The following PRPF19 variants were observed in gnomAD, a reference collection of about 807,000 sequenced individuals.
PRPF19 encodes pre-mRNA processing factor 19.
Under a neutral mutation model 64.2 loss-of-function variants are expected in PRPF19, and 2 were observed. The observed-to-expected ratio is 0.03, with a 90% confidence interval of 0.01 to 0.10. PRPF19 has a LOEUF of 0.10. Ranked by LOEUF, PRPF19 falls within the 10% of genes least tolerant of loss-of-function variation. The pLI, the probability that PRPF19 is intolerant of heterozygous loss-of-function variation, is 1.00. For missense variants in PRPF19, 314 were observed against 650.0 expected (o/e 0.48, Z 5.62); for synonymous variants, 226 against 251.6 (o/e 0.90, Z 0.96).
At chr11:60,905,094 G>A (rs904186523) in intron 1 of PRPF19, among the ~76,000 whole-genome samples, 1 of 152,204 alleles carries the variant, frequency 6.6e-6, no homozygotes, top group Non-Finnish European at 1.5e-5. Context: ...ACATTTCTAT[G>A]TGCCAAGCAC....
chr11:60,902,734 C>G lies in PRPF19; in HGVS notation c.388+6G>C, dbSNP rs1381745210. 1 of 1,614,190 alleles carries G rather than the reference C, an allele frequency of 6.2e-7. No individual in the cohort carries two copies. The highest frequency in any genetic ancestry group is 2.2e-5 in the East Asian group (1 of 44,886). ...AGGGTGGGGGATGGCAGGGGAGAGG[C>G]TGCACCTTCTCGGGCAGCAGTGACT... On this transcript the variant is annotated splice_donor_region_variant and intron_variant, in intron 4 of 15. Transcript: ENST00000227524. This position sits in a 1 kb window ranked among gnomAD's most constrained non-coding sequence, Gnocchi z 5.0.
chr11:60,903,211 G>C (rs77533626), intron 3 of PRPF19, among the ~76,000 whole-genome samples: 1 of 152,080 alleles, frequency 6.6e-6, no homozygotes, highest in African/African-American at 2.4e-5. Context: ...GATCGCCCTC[G>C]TTGTGTCAGG....
chr11:60,902,419 G>C lies in PRPF19; in HGVS notation c.509C>G (p.Pro170Arg). Residue 170 changes from proline to arginine, a missense_variant, in exon 6 of 16, where the codon CCA becomes CGA. Around this residue, in one of 7 missense-constraint regions of PRPF19, gnomAD observed 175 missense variants for 342.9 expected, o/e 0.51. Coordinates refer to ENST00000227524, the MANE Select transcript of PRPF19 (RefSeq NM_014502.5). This position sits in a 1 kb window ranked among gnomAD's most constrained non-coding sequence, Gnocchi z 5.0. ...MDLGELVGMT[P>R]EIIQKLQDKA... Reference sequence around the variant, plus strand: ...AGGACTTACCTTCTGAATAATCTCTGGGGTCATTCCCACCAGCTCACCCAA... The same window carrying C: ...AGGACTTACCTTCTGAATAATCTCTCGGGTCATTCCCACCAGCTCACCCAA... 1.2e-6 allele frequency: 2 copies of C among 1,614,052 alleles called. No individual in the cohort carries two copies. The highest frequency in any genetic ancestry group is 1.7e-6 in the Non-Finnish European group (2 of 1,179,974).
Position 60,901,548 on chromosome 11 carries a change from A to G in PRPF19, c.526-8T>C, listed in dbSNP as rs768449187. The G allele has an allele frequency of 6.2e-7, 1 of 1,614,172 alleles. No homozygotes were observed. Among genetic ancestry groups the G allele is most frequent in the Admixed American group, 1.7e-5 (1 of 60,028 alleles). On this transcript the variant is annotated splice_region_variant and splice_polypyrimidine_tract_variant and intron_variant, in intron 6 of 15. Coordinates refer to ENST00000227524, the MANE Select transcript of PRPF19 (RefSeq NM_014502.5). ...AGTGGCTTTGTCTTGAAGCTGGGGA[A>G]GAACAGGCTCAATGTGAGACAAATC...
At chr11:60,905,395 G>A (rs1051676667) in intron 1 of PRPF19, 4 of 151,932 alleles carry the variant, frequency 2.6e-5, no homozygotes, top group African/African-American at 9.6e-5. Context: ...CAAAGTGAGG[G>A]ATTCCTTTTC....
intron 15 of PRPF19, among the ~76,000 whole-genome samples, chr11:60,895,730 A>G (rs1018681560): frequency 6.6e-6 from 1 of 152,168 alleles, no homozygotes; most frequent in Non-Finnish European, 1.5e-5. Context: ...AGTAACAGAC[A>G]TGGGACACTT....
intron 9 of PRPF19, 80 bp from the exon 10 acceptor site, chr11:60,900,771 T>A: frequency 8.8e-6 from 14 of 1,591,428 alleles, no homozygotes; most frequent in Middle Eastern, 1.7e-4. Flanking sequence ...TTTGTTCCCA[T>A]GCCCATGAAG....
chr11:60,894,420 ATC>A (rs1366608135), intron 15 of PRPF19, among the ~76,000 whole-genome samples: 1 of 152,218 alleles, frequency 6.6e-6, no homozygotes, highest in Non-Finnish European at 1.5e-5. Flanking sequence ...TTCTTTGGTC[ATC>A]CCTAAGAGCT....
intron 15 of PRPF19, 43 bp from the exon 16 acceptor site, chr11:60,891,306 C>G: frequency 6.9e-7 from 1 of 1,450,314 alleles, no homozygotes; most frequent in Non-Finnish European, 9.6e-7. Flanking sequence ...GGCTTTTCCT[C>G]CTTTAGTCTG....
At chr11:60,899,427 C>T in intron 10 of PRPF19, 123 bp from the exon 11 acceptor site, 3 of 1,066,960 alleles carry the variant, frequency 2.8e-6, no homozygotes, top group Non-Finnish European at 4.1e-6. Context: ...CAGCTCTGCC[C>T]TCCCTGGAAC....
At chr11:60,900,558 A>C in intron 10 of PRPF19, 24 bp downstream of exon 10, 1 of 1,503,136 alleles carries the variant, frequency 6.7e-7, no homozygotes. Flanking sequence ...AGAAGAACCA[A>C]GGGTGGCGAG....
chr11:60,900,997 C>G, intron 8 of PRPF19, 68 bp from the exon 9 acceptor site: 1 of 1,535,646 alleles, frequency 6.5e-7, no homozygotes, highest in Non-Finnish European at 9.0e-7. Flanking sequence ...CACAGACCTC[C>G]CCTACTGCCA....
chr11:60,900,950 A>C (rs1001021040), intron 8 of PRPF19, 21 bp from the exon 9 acceptor site: 1 of 1,613,734 alleles, frequency 6.2e-7, no homozygotes, highest in African/African-American at 1.3e-5. Flanking sequence ...AGACACACCA[A>C]ACCCTGTCAC....
chr11:60,896,278 G>A (rs935975301), intron 15 of PRPF19, among the ~76,000 whole-genome samples: 4 of 152,306 alleles, frequency 2.6e-5, no homozygotes, highest in Admixed American at 6.5e-5. Context: ...GGAGGTATCC[G>A]AGAAGAAGGC....
At chr11:60,900,416 A>G (rs1015507922) in intron 10 of PRPF19, among the ~76,000 whole-genome samples, 166 bp downstream of exon 10, 1 of 152,216 alleles carries the variant, frequency 6.6e-6, no homozygotes, top group African/African-American at 2.4e-5. Flanking sequence ...TCTCACGCAG[A>G]GTGAAGGGCA....
chr11:60,904,813 G>A (rs1856025158), intron 1 of PRPF19, among the ~76,000 whole-genome samples: 1 of 152,136 alleles, frequency 6.6e-6, no homozygotes, highest in African/African-American at 2.4e-5. Flanking sequence ...TCATTACAAA[G>A]GCATGATTCA....
chr11:60,890,911 G>C lies in PRPF19; in HGVS notation c.*255C>G. 1.7e-6 allele frequency: 1 copy of C among 587,542 alleles called. No individual in the cohort carries two copies. 36.4% of individuals were successfully genotyped at this position (587,542 alleles called of 1,614,324 possible). On this transcript the variant is annotated 3_prime_UTR_variant, in exon 16 of 16. Coordinates refer to ENST00000227524, the MANE Select transcript of PRPF19 (RefSeq NM_014502.5). ...GAACGACAGGAAGGGAGAGGCCCTG[G>C]GCTCCGACCCTGGGCCTTAAGAGGG...
rs374189261 is a variant in PRPF19 at position 60,898,838 on chromosome 11, C to G, written c.1054+24G>C. On this transcript the variant is annotated intron_variant, in intron 12 of 15. Coordinates refer to ENST00000227524, the MANE Select transcript of PRPF19 (RefSeq NM_014502.5). This position sits in a 1 kb window ranked among gnomAD's most constrained non-coding sequence, Gnocchi z 4.6. ...AAATAATAAACAGCAAACAAAAAAG[C>G]TGAGTGCCTATGAGGCAACTTACAG... is the stretch of plus-strand genomic sequence containing the variant. 2.5e-4 allele frequency: 385 copies of G among 1,561,462 alleles called. 1 individual carries two copies. Among genetic ancestry groups the G allele is most frequent in the Non-Finnish European group, 3.2e-4 (369 of 1,153,274 alleles).
chr11:60,896,130 A>G (rs1855917928), intron 15 of PRPF19, among the ~76,000 whole-genome samples: 1 of 152,242 alleles, frequency 6.6e-6, no homozygotes. Context: ...TATAAAAAGC[A>G]AAGTATCCAT....
Sources: gnomAD v4.1 joint callset for allele counts (sites outside exome capture counted in the v4.1 genomes callset) on GRCh38, gnomAD v4.1.1 for gene constraint, gnomAD v4.1.1 regional missense constraint, Gnocchi (gnomAD v3.1) non-coding constraint, MANE v1.5 for transcripts, NCBI Gene and HGNC (gene_info 2026-07-23, HGNC 2026-07-21) for gene names.